Variants in TMC5 observed in about 807,000 individuals in gnomAD.
TMC5 encodes the protein transmembrane channel-like protein 5.
Under a neutral mutation model 110.5 loss-of-function variants are expected in TMC5, and 86 were observed. That is an observed-to-expected ratio of 0.78 (90% confidence interval 0.65 to 0.93). The LOEUF is 0.93. Ranked by LOEUF, TMC5 falls within the 40% of genes least tolerant of loss-of-function variation. The pLI, the probability that TMC5 is intolerant of heterozygous loss-of-function variation, is 0.00. For synonymous variants in TMC5, 455 were observed against 439.5 expected, an observed-to-expected ratio of 1.04 and a Z score of -0.44; for missense variants, 1,144 against 1,222.8, an observed-to-expected ratio of 0.94 and a Z score of 0.96.
chr16:19,486,881 C>A, intron 15 of TMC5, 64 bp from the exon 16 acceptor site: 3 of 1,445,200 alleles, frequency 2.1e-6, no homozygotes, highest in Non-Finnish European at 2.9e-6. Context: ...CCCAACCATC[C>A]CAGATTCACC....
intron 20 of TMC5, among the ~76,000 whole-genome samples, chr16:19,495,916 TTGA>T (rs1969040830): frequency 6.6e-6 from 1 of 151,998 alleles, no homozygotes; most frequent in Non-Finnish European, 1.5e-5. Context: ...GGCTTATCAC[TTGA>T]GGTCAGGGGT....
At chr16:19,475,791 T>A (rs1439045142) in intron 12 of TMC5, among the ~76,000 whole-genome samples, 1 of 150,876 alleles carries the variant, frequency 6.6e-6, no homozygotes, top group Non-Finnish European at 1.5e-5. Context: ...CTCTGCAGTA[T>A]AATTTTCTTT....
At chr16:19,472,379 A>T (rs1968366233) in intron 11 of TMC5, 136 bp downstream of exon 11, 1 of 1,000,112 alleles carries the variant, frequency 1.0e-6, no homozygotes, top group African/African-American at 1.6e-5. Flanking sequence ...GAACTTGTTA[A>T]AAATGCAGGG....
chr16:19,497,206 CTGGT>C, intron 21 of TMC5, 43 bp downstream of exon 21: 1 of 1,578,638 alleles, frequency 6.3e-7, no homozygotes, highest in Non-Finnish European at 8.7e-7. Flanking sequence ...TAATTTATTT[CTGGT>C]GAAATATCCT....
At chr16:19,478,646 C>A (rs1251095413) in intron 13 of TMC5, among the ~76,000 whole-genome samples, 1 of 152,176 alleles carries the variant, frequency 6.6e-6, no homozygotes, top group African/African-American at 2.4e-5. Flanking sequence ...ATGTATTCAT[C>A]CATCCATTTA....
intron 1 of TMC5, chr16:19,411,201 C>G (rs376527964): frequency 6.6e-6 from 1 of 152,246 alleles, no homozygotes; most frequent in East Asian, 1.9e-4. Flanking sequence ...TGAGCAGCGG[C>G]CTGGGTGAGA....
chr16:19,461,252 C>T (rs1968013998), intron 6 of TMC5, among the ~76,000 whole-genome samples: 1 of 152,248 alleles, frequency 6.6e-6, no homozygotes, highest in South Asian at 2.1e-4. Context: ...CTGTAAATCT[C>T]AAACTATGAT....
intron 1 of TMC5, among the ~76,000 whole-genome samples, chr16:19,429,867 C>T (rs974020823): frequency 4.0e-5 from 6 of 151,824 alleles, no homozygotes; most frequent in Admixed American, 3.9e-4. Flanking sequence ...GCCCAAAGTT[C>T]CCCTTTTTAT....
intron 2 of TMC5, among the ~76,000 whole-genome samples, chr16:19,437,518 G>A (rs1401053654): frequency 6.6e-6 from 1 of 152,246 alleles, no homozygotes; most frequent in Non-Finnish European, 1.5e-5. Flanking sequence ...TTCTGAGACT[G>A]TAGGTGTTGG....
chr16:19,467,629 G>C (rs1968223057), intron 9 of TMC5, among the ~76,000 whole-genome samples: 1 of 151,958 alleles, frequency 6.6e-6, no homozygotes, highest in Admixed American at 6.6e-5. Flanking sequence ...CTATAGGTAT[G>C]TGCCACCACG....
intron 16 of TMC5, 77 bp downstream of exon 16, chr16:19,487,097 G>C: frequency 6.2e-7 from 1 of 1,609,132 alleles, no homozygotes; most frequent in Non-Finnish European, 8.5e-7. Context: ...GCTGGGGAAG[G>C]GGGCTCTGCA....
chr16:19,447,414 G>C (rs1010406327), intron 4 of TMC5, among the ~76,000 whole-genome samples: 5 of 152,170 alleles, frequency 3.3e-5, no homozygotes, highest in Non-Finnish European at 5.9e-5. Context: ...AATATCAATG[G>C]AGGTAGTCAA....
At chr16:19,469,594 A>G in intron 9 of TMC5, 87 bp from the exon 10 acceptor site, 1 of 1,532,486 alleles carries the variant, frequency 6.5e-7, no homozygotes. Flanking sequence ...TTTCACCATT[A>G]ATAATAGGGC....
At chr16:19,452,624 G>A (rs1476277695) in intron 5 of TMC5, among the ~76,000 whole-genome samples, 1 of 152,324 alleles carries the variant, frequency 6.6e-6, no homozygotes, top group African/African-American at 2.4e-5. Flanking sequence ...GGCTGAGGCA[G>A]GGGAATCACT....
At chr16:19,469,269 G>A (rs528031584) in intron 9 of TMC5, among the ~76,000 whole-genome samples, 2 of 151,380 alleles carry the variant, frequency 1.3e-5, no homozygotes, top group East Asian at 1.9e-4. Flanking sequence ...CAGGAGAATC[G>A]CTTGAACCTT....
intron 10 of TMC5, among the ~76,000 whole-genome samples, chr16:19,470,103 C>T (rs1197433109): frequency 6.6e-6 from 1 of 151,688 alleles, no homozygotes; most frequent in East Asian, 1.9e-4. Context: ...ACTGTGTTAG[C>T]CAGGATGGTC....
Position 19,490,458 on chromosome 16 carries a change from C to T in TMC5, c.2637C>T (p.Tyr879=). The T allele has an allele frequency of 6.2e-7, 1 of 1,614,114 alleles. No homozygotes were observed. The highest frequency in any genetic ancestry group is 8.5e-7 in the Non-Finnish European group (1 of 1,179,992). Residue 879 remains tyrosine, a synonymous_variant, in exon 18 of 22, where the codon TAC becomes TAT. Transcript: ENST00000542583. ...TGCCTCTCTTCATTCACTCCATCTA[C>T]AGCTGGATCGACACCCTAAGTACAC... is the stretch of plus-strand genomic sequence containing the variant. ...RGLPLFIHSI[Y]SWIDTLSTRP...
intron 12 of TMC5, 78 bp downstream of exon 12, chr16:19,474,354 T>C: frequency 6.7e-7 from 1 of 1,492,068 alleles, no homozygotes; most frequent in Non-Finnish European, 9.1e-7. Flanking sequence ...AGGATTATGC[T>C]TTAGTATCAA....
intron 17 of TMC5, 59 bp from the exon 18 acceptor site, chr16:19,490,336 C>G (rs1222733913): frequency 6.4e-7 from 1 of 1,562,522 alleles, no homozygotes; most frequent in African/African-American, 1.4e-5. Flanking sequence ...CACCCTGATT[C>G]TAGAATAACC....
Sources: allele counts gnomAD v4.1 joint callset (sites outside exome capture counted in the v4.1 genomes callset), GRCh38; gene constraint gnomAD v4.1.1; transcripts MANE v1.5; gene names NCBI Gene and HGNC (gene_info 2026-07-23, HGNC 2026-07-21).